HEMK2: variants seen among roughly 807,000 people sequenced by gnomAD.
The protein encoded by HEMK2 is HemK methyltransferase 2, ETF1 glutamine and histone H4 lysine.
the HEMK2 span, among the ~76,000 whole-genome samples, chr21:28,853,984 T>C: frequency 6.6e-6 from 1 of 152,104 alleles, no homozygotes; most frequent in African/African-American, 2.4e-5. Flanking sequence ...CTTGTGTCTG[T>C]TTTTCCACAA....
At chr21:28,665,387 ATT>A in the HEMK2 span, among the ~76,000 whole-genome samples, 2,695 of 14,326 alleles carry the variant, frequency 0.19, 143 homozygotes, top group East Asian at 0.32. Context: ...TTTTTTTTTA[ATT>A]TTTTTTTTTT....
the HEMK2 span, among the ~76,000 whole-genome samples, chr21:28,669,943 A>G: frequency 6.6e-6 from 1 of 152,204 alleles, no homozygotes; most frequent in Non-Finnish European, 1.5e-5. Flanking sequence ...ATTTTATGAA[A>G]CATTAAGGAT....
chr21:28,737,899 TG>T, the HEMK2 span, among the ~76,000 whole-genome samples: 3 of 152,210 alleles, frequency 2.0e-5, no homozygotes, highest in Non-Finnish European at 2.9e-5. Context: ...GATGAGAGGA[TG>T]ACCTACGAAG....
the HEMK2 span, among the ~76,000 whole-genome samples, chr21:28,798,062 G>A: frequency 6.6e-6 from 1 of 152,130 alleles, no homozygotes; most frequent in African/African-American, 2.4e-5. Flanking sequence ...CCAACAGCCA[G>A]TCCTGAGGAT....
chr21:28,852,078 G>A, the HEMK2 span, among the ~76,000 whole-genome samples: 11,531 of 152,278 alleles, frequency 0.076, 512 homozygotes, highest in African/African-American at 0.11. Context: ...CCAAACGGGA[G>A]AGTTGAAAGG....
chr21:28,847,063 T>C, the HEMK2 span, among the ~76,000 whole-genome samples: 33 of 152,202 alleles, frequency 2.2e-4, no homozygotes, highest in Non-Finnish European at 5.9e-5. Context: ...TGATTCCATG[T>C]CTTTGCTATT....
At chr21:28,841,323 TTATATATAAATATATATTATATATATAA>T in the HEMK2 span, among the ~76,000 whole-genome samples, 1 of 16,274 alleles carries the variant, frequency 6.1e-5, no homozygotes, top group Non-Finnish European at 8.8e-5. Flanking sequence ...ATAATATATA[TTATATATAAATATATATTATATATATAA>T]ATATTATATA....
At chr21:28,813,207 C>A in the HEMK2 span, among the ~76,000 whole-genome samples, 1 of 152,110 alleles carries the variant, frequency 6.6e-6, no homozygotes, top group East Asian at 1.9e-4. Context: ...AAAACCCTAT[C>A]GTCTCAGCCC....
the HEMK2 span, among the ~76,000 whole-genome samples, chr21:28,790,099 C>A: frequency 2.0e-5 from 3 of 152,104 alleles, no homozygotes; most frequent in Non-Finnish European, 4.4e-5. Context: ...CATGGCTAAT[C>A]ATTTTATAAT....
chr21:28,798,987 G>A, the HEMK2 span, among the ~76,000 whole-genome samples: 1 of 152,176 alleles, frequency 6.6e-6, no homozygotes, highest in African/African-American at 2.4e-5. Context: ...CCTAATTTGA[G>A]TGCTGTCCTA....
the HEMK2 span, among the ~76,000 whole-genome samples, chr21:28,730,506 G>T: frequency 6.6e-6 from 1 of 151,996 alleles, no homozygotes; most frequent in South Asian, 2.1e-4. Context: ...TCAAGGTGTT[G>T]GCCAGGCTGT....
the HEMK2 span, among the ~76,000 whole-genome samples, chr21:28,607,313 A>C: frequency 1.3e-5 from 2 of 152,186 alleles, no homozygotes; most frequent in Non-Finnish European, 2.9e-5. Flanking sequence ...TGGGAGGCTG[A>C]GGCAAGAGAC....
the HEMK2 span, among the ~76,000 whole-genome samples, chr21:28,788,050 C>T: frequency 2.0e-5 from 3 of 151,488 alleles, no homozygotes; most frequent in African/African-American, 4.9e-5. Context: ...GCCATAGTCA[C>T]CAAAATAGCG....
At chr21:28,866,328 G>A in the HEMK2 span, among the ~76,000 whole-genome samples, 5 of 149,024 alleles carry the variant, frequency 3.4e-5, no homozygotes, top group South Asian at 2.2e-4. Context: ...GCAACAGAGC[G>A]ATCCTAGCTA....
chr21:28,796,535 CA>C, the HEMK2 span, among the ~76,000 whole-genome samples: 2 of 151,768 alleles, frequency 1.3e-5, no homozygotes, highest in African/African-American at 4.8e-5. Flanking sequence ...AGAACTATTC[CA>C]AAAAATGCAC....
chr21:28,845,201 C>A, the HEMK2 span, among the ~76,000 whole-genome samples: 1 of 152,066 alleles, frequency 6.6e-6, no homozygotes, highest in Non-Finnish European at 1.5e-5. Flanking sequence ...GTCCAAACAT[C>A]ATTTATCAAA....
chr21:28,749,810 G>A, the HEMK2 span, among the ~76,000 whole-genome samples: 3 of 152,328 alleles, frequency 2.0e-5, 1 homozygote, highest in South Asian at 6.2e-4. Context: ...CATAACCAGA[G>A]AGAGATAGGG....
chr21:28,652,434 C>T, the HEMK2 span, among the ~76,000 whole-genome samples: 22,604 of 140,028 alleles, frequency 0.16, 1,935 homozygotes, highest in East Asian at 0.33. Context: ...TTTTCTTCCT[C>T]CCTTCCTTCC....
chr21:28,815,174 G>A, the HEMK2 span, among the ~76,000 whole-genome samples: 4 of 140,460 alleles, frequency 2.8e-5, no homozygotes, highest in African/African-American at 1.1e-4. Flanking sequence ...GGTGGGAACT[G>A]AACAATGAGA....
Sources: gnomAD v4.1 joint callset for allele counts (sites outside exome capture counted in the v4.1 genomes callset) on GRCh38, gnomAD v4.1.1 for gene constraint, MANE v1.5 for transcripts, NCBI Gene and HGNC (gene_info 2026-07-23, HGNC 2026-07-21) for gene names.